Variants in ZNF710 observed in about 807,000 individuals in gnomAD.
ZNF710 encodes the protein zinc finger protein 710.
Under a neutral mutation model 50.6 loss-of-function variants are expected in ZNF710, and 13 were observed. The ratio of observed to expected loss-of-function variants is 0.26; its 90% CI spans 0.17 to 0.41. The LOEUF (loss-of-function observed/expected upper bound fraction) is 0.41, where lower values mean the gene tolerates loss of function less well. Among genes scored for constraint, ZNF710 ranks in the 10% least tolerant of loss-of-function variants. The pLI, the probability that ZNF710 is intolerant of heterozygous loss-of-function variation, is 1.00. For missense variants in ZNF710, 721 were observed against 936.6 expected (o/e 0.77, Z 3.01); for synonymous variants, 383 against 397.0 (o/e 0.96, Z 0.42).
At chr15:90,005,229 A>C (rs1258377186) in intron 1 of ZNF710, among the ~76,000 whole-genome samples, 1 of 152,112 alleles carries the variant, frequency 6.6e-6, no homozygotes, top group Admixed American at 6.5e-5. Context: ...TTGCTGAATG[A>C]ATGTACTGGA....
At position 90,059,637 on chromosome 15, in the gene ZNF710, C is replaced by T. The variant is rs113698844; in HGVS notation, c.-28-7473C>T. On this transcript the variant is annotated intron_variant, in intron 1 of 4. Transcript: ENST00000268154. This position sits in a 1 kb window ranked among gnomAD's most constrained non-coding sequence, Gnocchi z 4.1. Reference sequence around the variant, plus strand: ...ACTCTCGAACTTCCCCTGCCCCTCCCCCGTGCCGGCGGCAGCTCCCTGGGC... The same window carrying T: ...ACTCTCGAACTTCCCCTGCCCCTCCTCCGTGCCGGCGGCAGCTCCCTGGGC... Among the ~76,000 whole-genome samples the T allele has an allele frequency of 6.6e-5, 10 of 152,078 alleles. No individual in the cohort carries two copies. The highest frequency in any genetic ancestry group is 6.6e-5 in the Admixed American group (1 of 15,262).
chr15:90,000,645 C>G (rs978418079), upstream of ZNF710, among the ~76,000 whole-genome samples: 2 of 152,332 alleles, frequency 1.3e-5, no homozygotes, highest in East Asian at 3.9e-4. Flanking sequence ...TTTTGCTGTT[C>G]AGTGCTCTGC....
chr15:90,057,735 T>A (rs1460438604), intron 1 of ZNF710, among the ~76,000 whole-genome samples: 1 of 147,646 alleles, frequency 6.8e-6, no homozygotes, highest in Non-Finnish European at 1.5e-5. Context: ...ATTTGGAGAA[T>A]CAGAATCACT....
chr15:90,071,911 T>C (rs997412385), intron 2 of ZNF710, among the ~76,000 whole-genome samples: 1 of 152,156 alleles, frequency 6.6e-6, no homozygotes, highest in African/African-American at 2.4e-5. Context: ...CCTGACCTTG[T>C]GATCTGCCCA....
intron 1 of ZNF710, among the ~76,000 whole-genome samples, chr15:90,031,457 T>C (rs897504298): frequency 1.3e-5 from 2 of 152,198 alleles, no homozygotes; most frequent in African/African-American, 2.4e-5. Context: ...GAAGCAGCGC[T>C]CTCATTTGTC....
rs994055490 is a variant in ZNF710, at chr15:90,080,490, C to T, written c.*661C>T. 4 of 152,770 alleles carry T rather than the reference C, an allele frequency of 2.6e-5. No homozygotes were observed. Among genetic ancestry groups the T allele is most frequent in the African/African-American group, 9.6e-5 (4 of 41,458 alleles). 9.5% of individuals were successfully genotyped at this position (152,770 alleles called of 1,614,324 possible). A position where few individuals can be genotyped will look rare whatever the true frequency, so the allele number is the denominator to read the frequency against. Reference sequence around the variant, plus strand: ...TACATCCCTTTCTGGAAGTGAGTGTCCCTACAGTGGATTGCAACACATGTC... The same window carrying T: ...TACATCCCTTTCTGGAAGTGAGTGTTCCTACAGTGGATTGCAACACATGTC... On this transcript the variant is annotated 3_prime_UTR_variant, in exon 5 of 5. Coordinates refer to ENST00000268154, the MANE Select transcript of ZNF710 (RefSeq NM_198526.4).
chr15:90,056,465 G>A (rs962437229), intron 1 of ZNF710, among the ~76,000 whole-genome samples: 2 of 152,110 alleles, frequency 1.3e-5, no homozygotes, highest in Admixed American at 6.5e-5. Flanking sequence ...GGGGCCTTGG[G>A]GTCTTGGTTT....
At position 90,079,709 on chromosome 15, in the gene ZNF710, G is replaced by A; in HGVS notation, c.1875G>A (p.Gln625=). 6.2e-7 allele frequency: 1 copy of A among 1,613,996 alleles called. No individual in the cohort carries two copies. The highest frequency in any genetic ancestry group is 8.5e-7 in the Non-Finnish European group (1 of 1,179,954). ...CTGACCCTTCAGAGCTCGACGGCCA[G>A]CAGGAGATGGAGGACTTCGAGGAGA... ...TGTDPSELDG[Q]QEMEDFEENA... is the part of the protein sequence containing the mutation. Residue 625 remains glutamine, a synonymous_variant, in exon 5 of 5, where the codon CAG becomes CAA. Transcript: ENST00000268154.
At chr15:90,073,354 C>G in intron 3 of ZNF710, 92 bp downstream of exon 3, 1 of 1,473,058 alleles carries the variant, frequency 6.8e-7, no homozygotes, top group Admixed American at 1.8e-5. Flanking sequence ...CAAGCGCCAG[C>G]CTGGCCAGTG....
Position 90,067,862 on chromosome 15 carries a change from C to T in ZNF710, c.725C>T (p.Pro242Leu), listed in dbSNP as rs140396948. ...ATGGAGTCCCCGGAGCCTGTCAAGC[C>T]GGAACAGGGCTTCGTGTGGCAGGAG... is the stretch of plus-strand genomic sequence containing the variant. ...PSMESPEPVK[P>L]EQGFVWQEAS... Residue 242 changes from proline (P) to leucine (L), a missense_variant, in exon 2 of 5, where the codon CCG becomes CTG. Transcript: ENST00000268154. This position sits in a 1 kb window ranked among gnomAD's most constrained non-coding sequence, Gnocchi z 8.1. The T allele has an allele frequency of 1.1e-4, 170 of 1,605,116 alleles. 2 individuals carry two copies. In the South Asian group the frequency reaches 1.3e-3, roughly 13 times the overall value.
intron 1 of ZNF710, among the ~76,000 whole-genome samples, chr15:90,056,157 C>T (rs1899808715): frequency 6.6e-6 from 1 of 151,438 alleles, no homozygotes; most frequent in Non-Finnish European, 1.5e-5. Context: ...CACCTGTAAT[C>T]CCAGCACTTT....
intron 1 of ZNF710, among the ~76,000 whole-genome samples, chr15:90,022,642 TC>T (rs1009727670): frequency 6.6e-6 from 1 of 152,150 alleles, no homozygotes; most frequent in African/African-American, 2.4e-5. Flanking sequence ...TGTTGTTAAA[TC>T]CCTATGGGGA....
At chr15:90,015,183 G>A (rs530729903) in intron 1 of ZNF710, among the ~76,000 whole-genome samples, 6 of 152,256 alleles carry the variant, frequency 3.9e-5, no homozygotes, top group East Asian at 1.9e-4. Flanking sequence ...GAGCCACTGC[G>A]CCTGGCCCAT....
intron 1 of ZNF710, among the ~76,000 whole-genome samples, chr15:90,036,224 C>T (rs1567229068): frequency 6.7e-6 from 1 of 149,630 alleles, no homozygotes; most frequent in Admixed American, 6.7e-5. Flanking sequence ...CCCCTCCACT[C>T]TTGCCGCCCG....
chr15:90,072,587 G>C (rs572354788), intron 2 of ZNF710, among the ~76,000 whole-genome samples: 4 of 152,164 alleles, frequency 2.6e-5, no homozygotes, highest in African/African-American at 9.7e-5. Flanking sequence ...AGACAGCATG[G>C]AGGATAAAAA....
chr15:90,046,317 T>C (rs984663195), intron 1 of ZNF710, among the ~76,000 whole-genome samples: 2 of 152,094 alleles, frequency 1.3e-5, no homozygotes, highest in Admixed American at 6.5e-5. Context: ...TTTGCTGAAG[T>C]GTGAATTGCA....
chr15:90,032,578 G>C (rs980285657), intron 1 of ZNF710, among the ~76,000 whole-genome samples: 10 of 151,544 alleles, frequency 6.6e-5, no homozygotes, highest in Non-Finnish European at 1.5e-4. Context: ...AGGAGTTCGA[G>C]ACCAGCCTGG....
At position 90,033,263 on chromosome 15, in the gene ZNF710, T is replaced by C. The variant is rs1899001774; in HGVS notation, c.-29+31649T>C. 2.6e-5 allele frequency among the ~76,000 whole-genome samples: 4 copies of C among 152,338 alleles called. No homozygotes were observed. In the South Asian group the frequency reaches 8.3e-4, roughly 32 times the overall value. ...GCAGGACTCAGGACTAAACTGCTTG[T>C]TGATGTTAGATCTGAGAGGGATTAA... On this transcript the variant is annotated intron_variant, in intron 1 of 4. Transcript: ENST00000268154.
At chr15:90,007,809 C>T (rs548002240) in intron 1 of ZNF710, among the ~76,000 whole-genome samples, 4 of 151,604 alleles carry the variant, frequency 2.6e-5, no homozygotes, top group African/African-American at 7.3e-5. Flanking sequence ...AGGCTCACCC[C>T]CACCCCCACT....
Sources: allele counts gnomAD v4.1 joint callset (sites outside exome capture counted in the v4.1 genomes callset), GRCh38; gene constraint gnomAD v4.1.1; non-coding constraint Gnocchi (gnomAD v3.1); transcripts MANE v1.5; gene names NCBI Gene and HGNC (gene_info 2026-07-23, HGNC 2026-07-21).